The following PDCD6 variants were observed in gnomAD, a reference collection of about 807,000 sequenced individuals.
PDCD6 encodes programmed cell death 6, also known as programmed cell death protein 6.
Under a neutral mutation model 28.3 loss-of-function variants are expected in PDCD6, and 12 were observed. The ratio of observed to expected loss-of-function variants is 0.42; its 90% CI spans 0.27 to 0.69. PDCD6 has a LOEUF of 0.69. Among genes scored for constraint, PDCD6 ranks in the 30% least tolerant of loss-of-function variants. The probability of loss-of-function intolerance (pLI) is 0.22; values close to 1 mark genes in which losing one functional copy is unlikely to be tolerated. For synonymous variants in PDCD6, 92 were observed against 108.0 expected (o/e 0.85, Z 0.92); for missense variants, 226 against 269.9 (o/e 0.84, Z 1.14).
chr5:278,449 C>T (rs1472545202), intron 2 of PDCD6, among the ~76,000 whole-genome samples: 2 of 151,248 alleles, frequency 1.3e-5, no homozygotes, highest in South Asian at 2.1e-4. Context: ...GTGGCTCATG[C>T]TTGTAATCCC....
At chr5:295,831 T>C (rs1353738301) in intron 2 of PDCD6, among the ~76,000 whole-genome samples, 1 of 148,258 alleles carries the variant, frequency 6.7e-6, no homozygotes, top group Non-Finnish European at 1.5e-5. Context: ...GAAGAAGGCA[T>C]GCATCAGAAG....
chr5:280,863 G>A (rs758031236), intron 2 of PDCD6, among the ~76,000 whole-genome samples: 14 of 151,820 alleles, frequency 9.2e-5, no homozygotes, highest in East Asian at 3.9e-4. Context: ...GGGCAGGGCC[G>A]TGCTGGGCAC....
At chr5:285,047 C>T (rs1383157906) in intron 2 of PDCD6, among the ~76,000 whole-genome samples, 1 of 151,262 alleles carries the variant, frequency 6.6e-6, no homozygotes, top group African/African-American at 2.4e-5. Context: ...TCGGCTACCC[C>T]CGAGTCTCCA....
chr5:311,730 G>T, intron 5 of PDCD6: 1 of 286,458 alleles, frequency 3.5e-6, no homozygotes, highest in Non-Finnish European at 6.6e-6. Context: ...GTCTCGCTCT[G>T]TCACCCAGAC....
intron 2 of PDCD6, among the ~76,000 whole-genome samples, chr5:282,005 A>G (rs112903153): frequency 2.2e-3 from 246 of 113,320 alleles, no homozygotes; most frequent in Middle Eastern, 0.012. Context: ...AGGAGCTGAT[A>G]TTCTAGTTTG....
chr5:311,407 C>T lies in PDCD6; in HGVS notation c.477+5C>T, dbSNP rs375867873. The T allele has an allele frequency of 1.1e-5, 17 of 1,599,770 alleles. No homozygotes were observed. The highest frequency in any genetic ancestry group is 1.6e-4 in the Middle Eastern group (1 of 6,064). On this transcript the variant is annotated splice_donor_5th_base_variant and intron_variant, in intron 5 of 5. Transcript: ENST00000264933. Reference sequence around the variant, plus strand: ...CAGGGCTGCATCGTCCTGCAGGTGACGGAATGGCTTCACGTGGGTTTGTGG... The same window carrying T: ...CAGGGCTGCATCGTCCTGCAGGTGATGGAATGGCTTCACGTGGGTTTGTGG...
intron 2 of PDCD6, among the ~76,000 whole-genome samples, chr5:285,540 G>A (rs1267369345): frequency 6.6e-6 from 1 of 151,704 alleles, no homozygotes; most frequent in African/African-American, 2.4e-5. Flanking sequence ...GTTCCAGTTT[G>A]AGGGCCGTGC....
intron 2 of PDCD6, among the ~76,000 whole-genome samples, chr5:294,899 G>A (rs1449436820): frequency 6.6e-6 from 1 of 152,100 alleles, no homozygotes; most frequent in Non-Finnish European, 1.5e-5. Context: ...CAGGCCACAT[G>A]CCCAGTGAAG....
intron 4 of PDCD6, chr5:308,873 A>G (rs1382340366): frequency 6.6e-6 from 1 of 152,434 alleles, no homozygotes; most frequent in Non-Finnish European, 1.5e-5. Context: ...ACTGTGTGCC[A>G]TGCTCAGAGA....
At chr5:274,807 A>G (rs1293723059) in intron 2 of PDCD6, among the ~76,000 whole-genome samples, 1 of 152,044 alleles carries the variant, frequency 6.6e-6, no homozygotes, top group African/African-American at 2.4e-5. Context: ...GCCCCAGTTC[A>G]GCTGGTCCTC....
At position 271,727 on chromosome 5, in the gene PDCD6, G is replaced by A; in HGVS notation, c.7G>A (p.Ala3Thr). 1.3e-6 allele frequency: 2 copies of A among 1,534,766 alleles called. No homozygotes were observed. Among genetic ancestry groups the A allele is most frequent in the African/African-American group, 1.4e-5 (1 of 70,770 alleles). MA[A>T]YSYRPGPGAG... Reference sequence around the variant, plus strand: ...CAGCCGCGTGCCTTGGCCCATGGCCGCCTACTCTTACCGCCCCGGCCCTGG... The same window carrying A: ...CAGCCGCGTGCCTTGGCCCATGGCCACCTACTCTTACCGCCCCGGCCCTGG... The change falls in exon 1 of 6, where the codon GCC becomes ACC. Residue 3 changes from alanine (A) to threonine (T), a missense_variant. By Grantham distance (58) the Ala-to-Thr change is moderately conservative (BLOSUM62 0). This residue lies in a region of PDCD6 where 72 missense variants were observed against 71.4 expected (regional missense o/e 1.01). Coordinates refer to ENST00000264933, the MANE Select transcript of PDCD6 (RefSeq NM_013232.4).
Position 311,362 on chromosome 5 carries a change from T to C in PDCD6, c.437T>C (p.Ile146Thr). 1 of 1,614,086 alleles carries C rather than the reference T, an allele frequency of 6.2e-7. No homozygotes were observed. The highest frequency in any genetic ancestry group is 8.5e-7 in the Non-Finnish European group (1 of 1,179,972). Reference sequence around the variant, plus strand: ...TTTGACAGGCAGGGACGGGGGCAGATTGCCTTCGACGACTTCATCCAGGGC... The same window carrying C: ...TTTGACAGGCAGGGACGGGGGCAGACTGCCTTCGACGACTTCATCCAGGGC... ...RKFDRQGRGQ[I>T]AFDDFIQGCI... Residue 146 changes from isoleucine to threonine, a missense_variant, in exon 5 of 6, where the codon ATT (isoleucine) becomes ACT (threonine). Coordinates refer to ENST00000264933, the MANE Select transcript of PDCD6 (RefSeq NM_013232.4).
Position 276,171 on chromosome 5 carries a change from T to G in PDCD6, c.163+3399T>G, listed in dbSNP as rs1362199222. The G allele has an allele frequency of 1.9e-5, 19 of 994,496 alleles. No homozygotes were observed. The South Asian group carries it at 2.8e-4, about 15-fold the overall frequency. The allele number at this position is 994,496 out of a possible 1,614,324, so 61.6% of individuals were successfully genotyped here. Reference sequence around the variant, plus strand: ...TTGAGCCTGGGAGGTTGAGGCTGCATTGAGCTGAGATCAAGCCACGGCACT... The same window carrying G: ...TTGAGCCTGGGAGGTTGAGGCTGCAGTGAGCTGAGATCAAGCCACGGCACT... On this transcript the variant is annotated intron_variant, in intron 2 of 5. Transcript: ENST00000264933.
intron 2 of PDCD6, chr5:289,812 A>C: frequency 8.0e-7 from 1 of 1,248,010 alleles, no homozygotes; most frequent in Non-Finnish European, 1.2e-6. Context: ...TGGGTGTCCC[A>C]GGCCCATTTA....
At chr5:294,224 G>T (rs372790666) in intron 2 of PDCD6, among the ~76,000 whole-genome samples, 31,743 of 144,788 alleles carry the variant, frequency 0.22, 5,789 homozygotes, top group African/African-American at 0.5. Flanking sequence ...AAATTATAAT[G>T]CTATAAAGCA....
At chr5:299,791 C>T (rs1343846553) in intron 2 of PDCD6, among the ~76,000 whole-genome samples, 3 of 152,256 alleles carry the variant, frequency 2.0e-5, no homozygotes, top group Non-Finnish European at 2.9e-5. Flanking sequence ...CCTGGTGATC[C>T]GCCCGCCTTG....
chr5:307,829 C>T lies in PDCD6; in HGVS notation c.367+1069C>T, dbSNP rs537933404. On this transcript the variant is annotated intron_variant, in intron 4 of 5. Transcript: ENST00000264933. The surrounding 1 kb of genome is among the most constrained non-coding windows in gnomAD (Gnocchi z 6.1). The stretch of plus-strand genomic sequence containing the variant: ...CCTCCCAGCATGCACTTTGTGGCTG[C>T]CTTTCTTTCTCTTTTCTTTCTCACC... Among the ~76,000 whole-genome samples, 52 of 152,214 alleles carry T rather than the reference C, an allele frequency of 3.4e-4. No individual in the cohort carries two copies. Among genetic ancestry groups the T allele is most frequent in the Middle Eastern group, 3.4e-3 (1 of 294 alleles).
At chr5:296,352 C>T (rs867890003) in intron 2 of PDCD6, among the ~76,000 whole-genome samples, 46 of 152,150 alleles carry the variant, frequency 3.0e-4, no homozygotes, top group African/African-American at 1.1e-3. Context: ...GCTCTCTCGC[C>T]ACAGAGGGGT....
At chr5:292,594 G>A (rs567467946) in intron 2 of PDCD6, among the ~76,000 whole-genome samples, 3 of 152,238 alleles carry the variant, frequency 2.0e-5, no homozygotes, top group Non-Finnish European at 4.4e-5. Context: ...CTTTATACCT[G>A]TTCATTCCGG....
Sources: gnomAD v4.1 joint callset for allele counts (sites outside exome capture counted in the v4.1 genomes callset) on GRCh38, gnomAD v4.1.1 for gene constraint, gnomAD v4.1.1 regional missense constraint, Gnocchi (gnomAD v3.1) non-coding constraint, MANE v1.5 for transcripts, NCBI Gene and HGNC (gene_info 2026-07-23, HGNC 2026-07-21) for gene names.